CACNA1F: variants seen among roughly 807,000 people sequenced by gnomAD.
The protein encoded by CACNA1F is voltage-dependent L-type calcium channel subunit alpha-1F.
A neutral mutation model predicts 143.8 loss-of-function variants in CACNA1F; 59 were observed. The ratio of observed to expected loss-of-function variants is 0.41; its 90% CI spans 0.33 to 0.51. The LOEUF is 0.51. Among genes scored for constraint, CACNA1F ranks in the 20% least tolerant of loss-of-function variants. CACNA1F has a pLI of 0.22. For missense variants in CACNA1F, 1,411 were observed against 1,647.5 expected (o/e 0.86, Z 2.48); for synonymous variants, 643 against 649.1 (o/e 0.99, Z 0.14).
rs782159221 is a variant in CACNA1F, at chrX:49,215,557, A to AG, written c.3237-15dup. The AG allele has an allele frequency of 2.4e-6, 2 of 822,761 alleles. No individual in the cohort carries two copies. The highest frequency in any genetic ancestry group is 3.5e-6 in the Non-Finnish European group (2 of 571,669). 67.8% of individuals were successfully genotyped at this position (822,761 alleles called of 1,213,427 possible). A position where few individuals can be genotyped will look rare whatever the true frequency, so the allele number is the denominator to read the frequency against. On this transcript the variant is annotated splice_polypyrimidine_tract_variant and intron_variant, in intron 27 of 47. Transcript: ENST00000323022. ...TTGTATAGCAGTCTGTGGGAGCCAG[A>AG]GGGGGGGTAGAGGTGGGGGCAGGTG...
chrX:49,208,305 A>C (rs1557105377), intron 43 of CACNA1F, among the ~76,000 whole-genome samples: 1 of 111,540 alleles, frequency 9.0e-6, no homozygotes, highest in East Asian at 2.8e-4. Flanking sequence ...TTTTGCATTA[A>C]ACCTTTGTAT....
chrX:49,208,411 G>GTCC, intron 43 of CACNA1F, 104 bp downstream of exon 43: 9 of 414,480 alleles, frequency 2.2e-5, no homozygotes, highest in South Asian at 3.1e-5. Context: ...AGGCCTCTAG[G>GTCC]CCCTCCCTCC....
chrX:49,228,984 C>G (rs1483870979), intron 6 of CACNA1F, among the ~76,000 whole-genome samples: 2 of 112,258 alleles, frequency 1.8e-5, no homozygotes, highest in Non-Finnish European at 3.8e-5. Flanking sequence ...TAAATCCTGG[C>G]GTGGAGTCTT....
At position 49,215,073 on chromosome X, in the gene CACNA1F, AG is replaced by A. The variant is rs2065697139; in HGVS notation, c.3597+12del. 3 of 1,204,874 alleles carry A rather than the reference AG, an allele frequency of 2.5e-6. No homozygotes were observed. The highest frequency in any genetic ancestry group is 3.4e-6 in the Non-Finnish European group (3 of 889,307). ...GTCAGGAGTCTGGCGGGGGTCAGGC[AG>A]GGATCTCAGACCTGCATGGCTAGGG... On this transcript the variant is annotated intron_variant, in intron 29 of 47. Coordinates refer to ENST00000323022, the MANE Select transcript of CACNA1F (RefSeq NM_001256789.3).
Position 49,207,071 on chromosome X carries a change from CCTT to C in CACNA1F, c.5162_5164del (p.Glu1721del), listed in dbSNP as rs1273599915. On this transcript the variant is annotated inframe_deletion, in exon 44 of 48. Transcript: ENST00000323022. ...TTTGGTTCCCTTGGGCTGAGAATTT[CCTT>C]CTTCTGGGATGGTGAAAATGAGAGC... 5 of 1,199,803 alleles carry C rather than the reference CCTT, an allele frequency of 4.2e-6. No individual in the cohort carries two copies. In the African/African-American group the frequency reaches 7.0e-5, roughly 17 times the overall value.
At position 49,207,031 on chromosome X, in the gene CACNA1F, T is replaced by C; in HGVS notation, c.5205A>G (p.Gln1735=). ...GATCAGGGACTTCCTCATCCTCATC[T>C]TGCTTGTTTTGCCCTTTGGTTCCCT... ...QPKGTKGQNK[Q]DEDEEVPDRL... The change falls in exon 44 of 48, where the codon CAA becomes CAG. Residue 1735 remains glutamine (Q), a synonymous_variant. Transcript: ENST00000323022. 1 of 1,200,867 alleles carries C rather than the reference T, an allele frequency of 8.3e-7. No homozygotes were observed. The highest frequency in any genetic ancestry group is 1.1e-6 in the Non-Finnish European group (1 of 888,314).
chrX:49,210,396 A>T lies in CACNA1F; in HGVS notation c.4493T>A (p.Val1498Glu). 1 of 1,196,928 alleles carries T rather than the reference A, an allele frequency of 8.4e-7. No individual in the cohort carries two copies. The highest frequency in any genetic ancestry group is 1.1e-6 in the Non-Finnish European group (1 of 881,726). Reference protein sequence around the residue: ...CPHRVACKRLVAMNMPLNSDG... With the variant: ...CPHRVACKRLEAMNMPLNSDG... The stretch of plus-strand genomic sequence containing the variant: ...TGAGTTGAGGGGCATGTTCATTGCC[A>T]CAAGTCTCTGCAAACACGAGAGACA... Residue 1498 changes from valine (V) to glutamate (E), a missense_variant, in exon 39 of 48, where the codon GTG becomes GAG. Transcript: ENST00000323022.
At chrX:49,210,772 C>T in intron 37 of CACNA1F, 86 bp from the exon 38 acceptor site, 5 of 888,066 alleles carry the variant, frequency 5.6e-6, no homozygotes, top group East Asian at 6.7e-5. Flanking sequence ...ACTACCTCCT[C>T]CTACCAATAC....
At chrX:49,220,252 C>G in intron 19 of CACNA1F, among the ~76,000 whole-genome samples, 1 of 111,650 alleles carries the variant, frequency 9.0e-6, no homozygotes, top group Non-Finnish European at 1.9e-5. Flanking sequence ...TAATTAATTT[C>G]TTTTTTAGAG....
intron 11 of CACNA1F, 35 bp downstream of exon 11, chrX:49,226,374 G>A: frequency 8.6e-7 from 1 of 1,156,095 alleles, no homozygotes; most frequent in African/African-American, 1.8e-5. Flanking sequence ...GTTTGGACTG[G>A]CTTCTGGGCT....
intron 24 of CACNA1F, 125 bp downstream of exon 24, chrX:49,218,330 T>C: frequency 1.9e-6 from 1 of 535,557 alleles, no homozygotes; most frequent in Non-Finnish European, 3.1e-6. Context: ...CAGAGATGTG[T>C]ATTTATGTGT....
In CACNA1F at chrX:49,215,384, C is replaced by T. The variant is rs1337261384; in HGVS notation, c.3396G>A (p.Gln1132=). Residue 1132 remains glutamine (Q), a synonymous_variant, in exon 28 of 48, where the codon CAG becomes CAA. Transcript: ENST00000323022. ...CACAGTTTTGGTACTCCTGCTCGCCCTGGGCACGGAAAGTGATGATGACGA... is the reference window on the plus strand; with the variant it reads ...CACAGTTTTGGTACTCCTGCTCGCCTTGGGCACGGAAAGTGATGATGACGA... ...VGFVIITFRA[Q]GEQEYQNCEL... 1.8e-5 allele frequency: 22 copies of T among 1,208,423 alleles called. No individual in the cohort carries two copies. The highest frequency in any genetic ancestry group is 2.1e-5 in the Non-Finnish European group (19 of 894,680).
chrX:49,220,971 T>C, intron 18 of CACNA1F, 64 bp downstream of exon 18: 1 of 909,211 alleles, frequency 1.1e-6, no homozygotes, highest in Non-Finnish European at 1.6e-6. Context: ...AAAACAGATA[T>C]GCACACATAG....
At position 49,216,407 on chromosome X, in the gene CACNA1F, C is replaced by G; in HGVS notation, c.3211G>C (p.Val1071Leu). The G allele has an allele frequency of 8.3e-7, 1 of 1,211,029 alleles. No homozygotes were observed. Among genetic ancestry groups the G allele is most frequent in the Non-Finnish European group, 1.1e-6 (1 of 894,874 alleles). Residue 1071 changes from valine (V) to leucine (L), a missense_variant, in exon 27 of 48, where the codon GTC (valine) becomes CTC (leucine). By Grantham distance (32) the Val-to-Leu change is conservative. This residue lies in a region of CACNA1F where 950 missense variants were observed against 1,128.1 expected (regional missense o/e 0.84). Coordinates refer to ENST00000323022, the MANE Select transcript of CACNA1F (RefSeq NM_001256789.3). Reference protein sequence around the residue: ...VLSAMMALFTVSTFEGWPALL... With the variant: ...VLSAMMALFTLSTFEGWPALL... The stretch of plus-strand genomic sequence containing the variant: ...GCAGGCCAGCCTTCAAAGGTGGAGA[C>G]AGTGAACAGGGCCATCATGGCTGAA...
intron 6 of CACNA1F, 75 bp from the exon 7 acceptor site, chrX:49,228,522 T>G: frequency 2.4e-6 from 2 of 822,442 alleles, no homozygotes; most frequent in Admixed American, 5.3e-5. Context: ...CCCCGCCCAC[T>G]TAGGAAGCTC....
Position 49,231,182 on chromosome X carries a change from T to TGGGGC in CACNA1F, c.381+15_381+19dup. On this transcript the variant is annotated intron_variant, in intron 3 of 47. Coordinates refer to ENST00000323022, the MANE Select transcript of CACNA1F (RefSeq NM_001256789.3). ...GGGCTCTATTTGGCTGGGAACTGGCTGGGGCGGGGCGGGCCTTACCAGGTT... is the reference window on the plus strand; with the variant it reads ...GGGCTCTATTTGGCTGGGAACTGGCTGGGGCGGGGCGGGGCGGGCCTTACCAGGTT... The TGGGGC allele has an allele frequency of 9.4e-7, 1 of 1,060,263 alleles. No homozygotes were observed. Among genetic ancestry groups the TGGGGC allele is most frequent in the Middle Eastern group, 2.5e-4 (1 of 3,989 alleles). The allele number at this position is 1,060,263 out of a possible 1,213,427, so 87.4% of individuals were successfully genotyped here.
chrX:49,212,329 G>A (rs1557106443), intron 33 of CACNA1F, 21 bp from the exon 34 acceptor site: 3 of 1,133,799 alleles, frequency 2.6e-6, no homozygotes, highest in African/African-American at 3.6e-5. Context: ...GGGGGAGGGG[G>A]GCAGAGAATA....
chrX:49,214,324 C>T, intron 29 of CACNA1F, 55 bp from the exon 30 acceptor site: 1 of 721,949 alleles, frequency 1.4e-6, no homozygotes, highest in Admixed American at 2.2e-5. Context: ...CCGCCACACC[C>T]AACCAAATAT....
In CACNA1F at chrX:49,218,882, C is replaced by T; in HGVS notation, c.2733G>A (p.Lys911=). 8.3e-7 allele frequency: 1 copy of T among 1,202,029 alleles called. No individual in the cohort carries two copies. The highest frequency in any genetic ancestry group is 1.1e-6 in the Non-Finnish European group (1 of 887,958). Residue 911 remains lysine, a splice_region_variant and synonymous_variant, in exon 22 of 48, where the codon AAG becomes AAA. Transcript: ENST00000323022. ...TSIFTVEILL[K]MTVFGAFLHR... ...GTAGGACTGGGGTCCCATTAGTCAC[C>T]TTTAGTAGAATCTCCACAGTGAAAA...
Sources: allele counts gnomAD v4.1 joint callset (sites outside exome capture counted in the v4.1 genomes callset), GRCh38; gene constraint gnomAD v4.1.1; regional missense constraint gnomAD v4.1.1; transcripts MANE v1.5; gene names NCBI Gene and HGNC (gene_info 2026-07-23, HGNC 2026-07-21).